Variants in MPDZ observed in about 807,000 individuals in gnomAD.
The protein encoded by MPDZ is multiple PDZ domain protein.
In MPDZ, 234 loss-of-function variants were observed where a neutral mutation model predicts 239.1. The ratio of observed to expected loss-of-function variants is 0.98; its 90% confidence interval spans 0.88 to 1.09. MPDZ has a LOEUF of 1.09. Ranked by LOEUF, MPDZ falls within the 50% of genes least tolerant of loss-of-function variation. The pLI, the probability that MPDZ is intolerant of heterozygous loss-of-function variation, is 0.00. For synonymous variants in MPDZ, 1,048 were observed against 881.3 expected (o/e 1.19, Z -3.35); for missense variants, 3,175 against 2,510.0 (o/e 1.26, Z -5.66).
intron 22 of MPDZ, chr9:13,165,273 T>G: frequency 8.2e-7 from 1 of 1,217,082 alleles, no homozygotes. Context: ...TCTGGATCTA[T>G]TCTTGCATTG....
At chr9:13,271,450 A>C (rs912485794) in intron 1 of MPDZ, among the ~76,000 whole-genome samples, 2 of 152,172 alleles carry the variant, frequency 1.3e-5, no homozygotes, top group Admixed American at 1.3e-4. Context: ...AGAACACAAA[A>C]TTCCCTTTGT....
chr9:13,279,270 C>A (rs1488149329), intron 1 of MPDZ, 130 bp downstream of exon 1: 1 of 129,730 alleles, frequency 7.7e-6, no homozygotes, highest in Non-Finnish European at 1.7e-5. Context: ...CCCACCCCCA[C>A]CCCCATCCCC....
chr9:13,244,591 C>T (rs189278411), intron 3 of MPDZ, among the ~76,000 whole-genome samples: 43 of 152,284 alleles, frequency 2.8e-4, no homozygotes, highest in Non-Finnish European at 5.3e-4. Flanking sequence ...CTCAGACCTG[C>T]TAATATTTTT....
At chr9:13,149,312 C>G (rs1359315013) in intron 25 of MPDZ, among the ~76,000 whole-genome samples, 2 of 152,026 alleles carry the variant, frequency 1.3e-5, no homozygotes, top group Non-Finnish European at 2.9e-5. Flanking sequence ...CATTTAAAGT[C>G]ATGGTTGATA....
intron 3 of MPDZ, among the ~76,000 whole-genome samples, chr9:13,235,041 T>C (rs1242506015): frequency 1.3e-5 from 2 of 152,152 alleles, no homozygotes; most frequent in Admixed American, 6.5e-5. Context: ...CATTGCAAGT[T>C]TGGAACCTAG....
chr9:13,250,311 A>G lies in MPDZ; in HGVS notation c.5T>C (p.Leu2Ser). The G allele has an allele frequency of 6.3e-7, 1 of 1,593,656 alleles. No homozygotes were observed. The highest frequency in any genetic ancestry group is 8.6e-7 in the Non-Finnish European group (1 of 1,169,110). ...AGAATAAGTCTTACCAATGGCTTCC[A>G]ACATTTTTTTCAAAGTTCAGTGTTC... Reference protein sequence around the residue: MLEAIDKNRALH... With the variant: MSEAIDKNRALH... The change falls in exon 2 of 47, where the codon TTG (leucine) becomes TCG (serine). Residue 2 changes from leucine to serine, a missense_variant. Coordinates refer to ENST00000319217, the MANE Select transcript of MPDZ (RefSeq NM_001378778.1).
At chr9:13,271,737 C>CG (rs1408136911) in intron 1 of MPDZ, among the ~76,000 whole-genome samples, 1 of 152,134 alleles carries the variant, frequency 6.6e-6, no homozygotes, top group African/African-American at 2.4e-5. Context: ...CATAAGACAA[C>CG]GGAAGTGCAG....
At chr9:13,205,213 T>C (rs1405770989) in intron 11 of MPDZ, 106 bp from the exon 12 acceptor site, 3 of 564,728 alleles carry the variant, frequency 5.3e-6, no homozygotes, top group East Asian at 6.8e-5. Context: ...GAATCTGTTT[T>C]TCAGAGATAA....
rs760599267 is a variant in MPDZ, at chr9:13,175,763, T to C, written c.3044A>G (p.Asn1015Ser). 5.1e-6 allele frequency: 8 copies of C among 1,569,654 alleles called. No homozygotes were observed. The highest frequency in any genetic ancestry group is 2.7e-5 in the African/African-American group (2 of 74,296). ...FERTINIAKG[N>S]SSLGMTVSAN... ...AATGAGAAACTTACCTAGGCTAGAA[T>C]TGCCTTTTGCTATATTAATAGTCCT... The change falls in exon 21 of 47, where the codon AAT becomes AGT. Residue 1015 changes from asparagine (N) to serine (S), a missense_variant. Transcript: ENST00000319217.
At chr9:13,249,680 T>C (rs1166449223) in intron 2 of MPDZ, among the ~76,000 whole-genome samples, 1 of 152,196 alleles carries the variant, frequency 6.6e-6, no homozygotes, top group Non-Finnish European at 1.5e-5. Flanking sequence ...AACTAGAATG[T>C]CAGATAATTG....
In MPDZ at chr9:13,121,804, G is replaced by A. The variant is rs1332007069; in HGVS notation, c.5166C>T (p.Asp1722=). Residue 1722 remains aspartate (D), a synonymous_variant, in exon 38 of 47, where the codon GAC becomes GAT. Coordinates refer to ENST00000319217, the MANE Select transcript of MPDZ (RefSeq NM_001378778.1). ...TCTTCTGCAGCTCAATAGTGAGGGT[G>A]TCACACACTTCCTCCTCTTTGTATG... ...EAPYKEEEVC[D]TLTIELQKKP... The A allele has an allele frequency of 6.2e-7, 1 of 1,613,970 alleles. No individual in the cohort carries two copies. The highest frequency in any genetic ancestry group is 8.5e-7 in the Non-Finnish European group (1 of 1,179,882).
At position 13,205,875 on chromosome 9, in the gene MPDZ, A is replaced by C. The variant is rs192729165; in HGVS notation, c.1474+41T>G. 5 of 1,497,102 alleles carry C rather than the reference A, an allele frequency of 3.3e-6. No individual in the cohort carries two copies. In the Admixed American group the frequency reaches 9.2e-5, roughly 27 times the overall value. 92.7% of individuals were successfully genotyped at this position (1,497,102 alleles called of 1,614,324 possible). ...TGGAATTTAAAAAAAATTGGAGACA[A>C]TATAAAGGTCTAACTAAAAACCAGA... is the stretch of plus-strand genomic sequence containing the variant. On this transcript the variant is annotated intron_variant, in intron 11 of 46. Transcript: ENST00000319217.
intron 1 of MPDZ, among the ~76,000 whole-genome samples, chr9:13,260,354 T>C (rs976404150): frequency 1.1e-4 from 16 of 152,250 alleles, no homozygotes; most frequent in Admixed American, 3.3e-4. Context: ...TACTGTGACA[T>C]GGTAATATGG....
Position 13,221,364 on chromosome 9 carries a change from T to C in MPDZ, c.876+8A>G. 3 of 1,598,496 alleles carry C rather than the reference T, an allele frequency of 1.9e-6. No homozygotes were observed. Among genetic ancestry groups the C allele is most frequent in the Non-Finnish European group, 2.6e-6 (3 of 1,172,130 alleles). On this transcript the variant is annotated splice_region_variant and intron_variant, in intron 7 of 46. Transcript: ENST00000319217. ...AAATAGCATAAAAGATCTATTGATG[T>C]AGCCTACCTGATCAGCTACTCCTCC... is the stretch of plus-strand genomic sequence containing the variant.
intron 1 of MPDZ, among the ~76,000 whole-genome samples, chr9:13,276,322 T>C (rs1357014130): frequency 6.6e-6 from 1 of 152,156 alleles, no homozygotes; most frequent in Non-Finnish European, 1.5e-5. Flanking sequence ...TTCTCCCACA[T>C]GGAATCCCAC....
intron 22 of MPDZ, among the ~76,000 whole-genome samples, chr9:13,164,894 G>A (rs1222843873): frequency 6.6e-6 from 1 of 152,116 alleles, no homozygotes; most frequent in Non-Finnish European, 1.5e-5. Context: ...CAGCAAAAAT[G>A]CCAAAGCTAA....
At chr9:13,125,971 C>T (rs1945049973) in intron 34 of MPDZ, among the ~76,000 whole-genome samples, 1 of 152,136 alleles carries the variant, frequency 6.6e-6, no homozygotes, top group African/African-American at 2.4e-5. Flanking sequence ...ATGGTTCTCT[C>T]TCACTATAAG....
chr9:13,255,742 G>A (rs372316353), intron 1 of MPDZ, among the ~76,000 whole-genome samples: 4 of 152,144 alleles, frequency 2.6e-5, no homozygotes, highest in African/African-American at 7.2e-5. Flanking sequence ...GCTATAAACC[G>A]ATGTGCTGTT....
intron 24 of MPDZ, among the ~76,000 whole-genome samples, chr9:13,157,418 G>A (rs1229545268): frequency 6.6e-6 from 1 of 152,036 alleles, no homozygotes; most frequent in Non-Finnish European, 1.5e-5. Context: ...TTTAAGTCTA[G>A]GTCCATAATC....
Sources: allele counts gnomAD v4.1 joint callset (sites outside exome capture counted in the v4.1 genomes callset), GRCh38; gene constraint gnomAD v4.1.1; transcripts MANE v1.5; gene names NCBI Gene and HGNC (gene_info 2026-07-23, HGNC 2026-07-21).